The following LSM14A variants were observed in gnomAD, a reference collection of about 807,000 sequenced individuals.
LSM14A encodes the protein LSM14A mRNA processing body assembly factor.
In LSM14A, 14 loss-of-function variants were observed where a neutral mutation model predicts 52.4. The observed-to-expected ratio is 0.27, with a 90% confidence interval of 0.18 to 0.42. LSM14A has a LOEUF of 0.42. Ranked by LOEUF, LSM14A falls within the 10% of genes least tolerant of loss-of-function variation. The pLI, the probability that LSM14A is intolerant of heterozygous loss-of-function variation, is 1.00. For synonymous variants in LSM14A, 185 were observed against 200.3 expected (o/e 0.92, Z 0.64); for missense variants, 417 against 581.8 (o/e 0.72, Z 2.91).
intron 2 of LSM14A, chr19:34,195,173 T>C (rs973079860): frequency 6.6e-6 from 1 of 151,818 alleles, no homozygotes; most frequent in Non-Finnish European, 1.5e-5. Context: ...TATGCAGTGT[T>C]GGTTTTTGTT....
intron 3 of LSM14A, among the ~76,000 whole-genome samples, chr19:34,200,491 A>T (rs1599689141): frequency 1.3e-5 from 2 of 150,354 alleles, no homozygotes; most frequent in East Asian, 3.9e-4. Flanking sequence ...TGAAGTATTT[A>T]AAAGTAAAAG....
intron 3 of LSM14A, among the ~76,000 whole-genome samples, chr19:34,198,830 C>G (rs2071064013): frequency 6.6e-6 from 1 of 151,490 alleles, no homozygotes; most frequent in Admixed American, 6.6e-5. Flanking sequence ...ACTAAAAATA[C>G]AAAAAAATTA....
chr19:34,218,253 C>A (rs1414575999), intron 6 of LSM14A, among the ~76,000 whole-genome samples: 1 of 152,152 alleles, frequency 6.6e-6, no homozygotes, highest in African/African-American at 2.4e-5. Context: ...ATCCGCCCGC[C>A]CCGGCCTCCC....
At chr19:34,195,192 C>G (rs796910900) in intron 2 of LSM14A, 5 of 127,376 alleles carry the variant, frequency 3.9e-5, no homozygotes, top group Non-Finnish European at 8.2e-5. Context: ...TTTTGTTTTT[C>G]TTTTTCTTTT....
At chr19:34,184,449 T>G (rs904258017) in intron 1 of LSM14A, among the ~76,000 whole-genome samples, 1 of 152,234 alleles carries the variant, frequency 6.6e-6, no homozygotes, top group African/African-American at 2.4e-5. Flanking sequence ...CAACTGTATT[T>G]CTCTATATCA....
chr19:34,205,719 A>G (rs1003768431), intron 3 of LSM14A, among the ~76,000 whole-genome samples: 4 of 151,760 alleles, frequency 2.6e-5, no homozygotes, highest in Non-Finnish European at 4.4e-5. Flanking sequence ...GACAGCTAGG[A>G]AAAAAAATGA....
rs2072911064 is a variant in LSM14A at position 34,219,549 on chromosome 19, T to C, written c.940T>C (p.Phe314Leu). Reference sequence around the variant, plus strand: ...CAACAAGGAAGAGATTGACAGAGAGTTTCATAATAAACTTAAATTAAAAGG... The same window carrying C: ...CAACAAGGAAGAGATTGACAGAGAGCTTCATAATAAACTTAAATTAAAAGG... ...QFNKEEIDRE[F>L]HNKLKLKEDK... The change falls in exon 7 of 10, where the codon TTT (phenylalanine) becomes CTT (leucine). Residue 314 changes from phenylalanine to leucine, a missense_variant. Physicochemically the swap from Phe to Leu is conservative, Grantham distance 22. Transcript: ENST00000544216. 1 of 1,610,490 alleles carries C rather than the reference T, an allele frequency of 6.2e-7. No homozygotes were observed. Among genetic ancestry groups the C allele is most frequent in the Non-Finnish European group, 8.5e-7 (1 of 1,178,378 alleles).
chr19:34,197,093 T>G (rs1489473378), intron 3 of LSM14A, among the ~76,000 whole-genome samples: 3 of 151,940 alleles, frequency 2.0e-5, no homozygotes, highest in Non-Finnish European at 4.4e-5. Context: ...GTAATTGGTT[T>G]TGTTTTGTTT....
At chr19:34,176,939 G>A (rs961027413) in intron 1 of LSM14A, among the ~76,000 whole-genome samples, 10 of 152,318 alleles carry the variant, frequency 6.6e-5, no homozygotes, top group Middle Eastern at 3.4e-3. Context: ...ACAACCGTAC[G>A]TGGTATCATA....
intron 1 of LSM14A, among the ~76,000 whole-genome samples, chr19:34,182,368 G>A (rs928930717): frequency 6.6e-6 from 1 of 151,992 alleles, no homozygotes; most frequent in Non-Finnish European, 1.5e-5. Flanking sequence ...TAATATTCTG[G>A]GGTTGCTGAT....
At chr19:34,226,422 T>C (rs1364550138) in intron 9 of LSM14A, 8 of 1,518,056 alleles carry the variant, frequency 5.3e-6, no homozygotes, top group Non-Finnish European at 5.3e-6. Flanking sequence ...CCACAGCTTT[T>C]GGACCCTAAA....
At chr19:34,208,371 A>G (rs1423513692) in intron 3 of LSM14A, 3 of 152,210 alleles carry the variant, frequency 2.0e-5, no homozygotes, top group Non-Finnish European at 2.9e-5. Context: ...TATGGCAGAG[A>G]ATTGGGCCCT....
At chr19:34,193,676 G>A (rs2070631803) in intron 1 of LSM14A, among the ~76,000 whole-genome samples, 3 of 152,072 alleles carry the variant, frequency 2.0e-5, no homozygotes, top group Non-Finnish European at 4.4e-5. Context: ...TGAGTAGCTG[G>A]CAGCTGCTTG....
intron 3 of LSM14A, among the ~76,000 whole-genome samples, chr19:34,207,863 A>G (rs958780815): frequency 2.6e-5 from 4 of 152,172 alleles, no homozygotes; most frequent in African/African-American, 9.7e-5. Flanking sequence ...AAGAACAAAT[A>G]GAATTCATTA....
Position 34,187,076 on chromosome 19 carries a change from T to TA in LSM14A, c.122-7402_122-7401insA, listed in dbSNP as rs1458830859. Among the ~76,000 whole-genome samples the TA allele has an allele frequency of 4.3e-3, 473 of 110,758 alleles. 2 individuals carry two copies. The highest frequency in any genetic ancestry group is 7.8e-3 in the Non-Finnish European group (360 of 46,242). The allele number at this position is 110,758 out of a possible 152,430, so 72.7% of individuals were successfully genotyped here. ...AACATGGTGAAACCCAGTCTCTAAT[T>TA]TAAAAAAAAAAAAATACAAACATTA... is the stretch of plus-strand genomic sequence containing the variant. On this transcript the variant is annotated intron_variant, in intron 1 of 9. Transcript: ENST00000544216.
intron 3 of LSM14A, among the ~76,000 whole-genome samples, chr19:34,205,216 G>A (rs554263045): frequency 6.6e-6 from 1 of 151,596 alleles, no homozygotes; most frequent in Non-Finnish European, 1.5e-5. Flanking sequence ...GCCAGGTGTG[G>A]TGTCTCCCAC....
intron 8 of LSM14A, among the ~76,000 whole-genome samples, chr19:34,220,804 G>A (rs2073009209): frequency 6.6e-6 from 1 of 152,112 alleles, no homozygotes; most frequent in African/African-American, 2.4e-5. Flanking sequence ...GAACATAATG[G>A]GGACCTAAGG....
intron 5 of LSM14A, 143 bp downstream of exon 5, chr19:34,215,443 G>A (rs2072507755): frequency 2.7e-6 from 3 of 1,130,274 alleles, no homozygotes; most frequent in East Asian, 2.5e-5. Context: ...TTTCAAATTT[G>A]ACTCAAAGTG....
chr19:34,182,359 A>C (rs1568472825), intron 1 of LSM14A, among the ~76,000 whole-genome samples: 1 of 152,054 alleles, frequency 6.6e-6, no homozygotes, highest in East Asian at 1.9e-4. Context: ...TTGTTCTTCT[A>C]ATATTCTGGG....
Sources: gnomAD v4.1 joint callset for allele counts (sites outside exome capture counted in the v4.1 genomes callset) on GRCh38, gnomAD v4.1.1 for gene constraint, MANE v1.5 for transcripts, NCBI Gene and HGNC (gene_info 2026-07-23, HGNC 2026-07-21) for gene names.